The following SPINK13 variants were observed in gnomAD, a reference collection of about 807,000 sequenced individuals.
The protein encoded by SPINK13 is serine peptidase inhibitor Kazal type 13.
A neutral mutation model predicts 11.0 loss-of-function variants in SPINK13; 11 were observed. The observed-to-expected ratio is 1.00, with a 90% CI of 0.63 to 1.65. The LOEUF (loss-of-function observed/expected upper bound fraction) is 1.65, where lower values mean the gene tolerates loss of function less well. Among genes scored for constraint, SPINK13 ranks in the 40% most tolerant of loss-of-function variants. The pLI is 0.00. For missense variants in SPINK13, 113 were observed against 117.7 expected, an observed-to-expected ratio of 0.96 and a Z score of 0.19; for synonymous variants, 31 against 35.6, an observed-to-expected ratio of 0.87 and a Z score of 0.46.
chr5:148,285,396 T>C (rs540421671), intron 4 of SPINK13, among the ~76,000 whole-genome samples: 3 of 151,092 alleles, frequency 2.0e-5, no homozygotes, highest in Middle Eastern at 3.4e-3. Context: ...AAAAAGAAAA[T>C]GGATTGTTCA....
intron 3 of SPINK13, among the ~76,000 whole-genome samples, chr5:148,276,346 T>C (rs1000320367): frequency 3.9e-5 from 6 of 152,218 alleles, no homozygotes; most frequent in African/African-American, 1.4e-4. Flanking sequence ...TTGCTTTTGG[T>C]GTTTTTTAGT....
intron 3 of SPINK13, among the ~76,000 whole-genome samples, chr5:148,277,545 T>G (rs563425193): frequency 8.5e-4 from 129 of 152,350 alleles, no homozygotes; most frequent in African/African-American, 3.1e-3. Context: ...CAAGTGCTTT[T>G]TGTCATGGTT....
At chr5:148,281,757 T>C (rs1756519678) in intron 3 of SPINK13, among the ~76,000 whole-genome samples, 1 of 148,158 alleles carries the variant, frequency 6.7e-6, no homozygotes, top group Admixed American at 6.6e-5. Flanking sequence ...TTTTAATAAG[T>C]TTTAATACAA....
chr5:148,278,322 T>A (rs979568073), intron 3 of SPINK13, among the ~76,000 whole-genome samples: 3 of 152,200 alleles, frequency 2.0e-5, no homozygotes, highest in Admixed American at 6.5e-5. Flanking sequence ...CTTTTGAATG[T>A]GTTTGCTCTT....
chr5:148,271,899 A>G (rs1354827766), intron 2 of SPINK13, among the ~76,000 whole-genome samples: 1 of 152,248 alleles, frequency 6.6e-6, no homozygotes, highest in Non-Finnish European at 1.5e-5. Context: ...CTGGGATTAC[A>G]GGCGTGAGCC....
intron 3 of SPINK13, 92 bp from the exon 4 acceptor site, chr5:148,282,012 A>T: frequency 1.3e-6 from 2 of 1,507,934 alleles, no homozygotes; most frequent in Non-Finnish European, 1.8e-6. Context: ...GGTATGATTT[A>T]ATATTATTTT....
At chr5:148,272,862 C>G (rs893489904) in intron 2 of SPINK13, among the ~76,000 whole-genome samples, 1 of 152,172 alleles carries the variant, frequency 6.6e-6, no homozygotes, top group Non-Finnish European at 1.5e-5. Flanking sequence ...ACATTGAACT[C>G]TAATTTGTAG....
rs538561643 is a variant in SPINK13, at chr5:148,272,290, A to C, written c.71-2057A>C. Among the ~76,000 whole-genome samples the C allele has an allele frequency of 1.1e-3, 170 of 152,328 alleles. 1 individual carries two copies. Among genetic ancestry groups the C allele is most frequent in the African/African-American group, 3.9e-3 (164 of 41,570 alleles). On this transcript the variant is annotated intron_variant, in intron 2 of 4. Transcript: ENST00000398450. ...CTACAATGTGTGTGAATTTTCTATA[A>C]TAGAAGATAATGCCAGATGGTTCTC...
intron 2 of SPINK13, 50 bp downstream of exon 2, chr5:148,270,192 T>A: frequency 6.3e-7 from 1 of 1,581,118 alleles, no homozygotes; most frequent in Non-Finnish European, 8.7e-7. Flanking sequence ...TTCTTAAAGT[T>A]ATAGGAAAGA....
At chr5:148,272,445 G>A (rs113761520) in intron 2 of SPINK13, among the ~76,000 whole-genome samples, 1,791 of 152,204 alleles carry the variant, frequency 0.012, 37 homozygotes, top group African/African-American at 0.04. Context: ...CCTTCCAGAA[G>A]CCCAATTGTT....
chr5:148,282,032 G>T, intron 3 of SPINK13, 72 bp from the exon 4 acceptor site: 1 of 1,580,656 alleles, frequency 6.3e-7, no homozygotes, highest in East Asian at 2.3e-5. Flanking sequence ...TTTAAGTGGG[G>T]CAGAAGTGAC....
intron 3 of SPINK13, among the ~76,000 whole-genome samples, chr5:148,280,571 G>A (rs1756497677): frequency 6.6e-6 from 1 of 152,176 alleles, no homozygotes; most frequent in African/African-American, 2.4e-5. Context: ...GGAGTTTGCT[G>A]GAGGTCCACT....
chr5:148,271,750 G>A lies in SPINK13; in HGVS notation c.70+1608G>A, dbSNP rs571926634. 5.3e-5 allele frequency among the ~76,000 whole-genome samples: 8 copies of A among 152,030 alleles called. No homozygotes were observed. In the South Asian group the frequency reaches 1.7e-3, roughly 32 times the overall value. ...CGCCGTTCTCCTGCCTCAGCCTCCC[G>A]AGTAGCTGGCACTACAGGCGCCCGC... On this transcript the variant is annotated intron_variant, in intron 2 of 4. Coordinates refer to ENST00000398450, the MANE Select transcript of SPINK13 (RefSeq NM_001040129.3).
At chr5:148,280,267 T>G (rs1756493017) in intron 3 of SPINK13, among the ~76,000 whole-genome samples, 3 of 152,096 alleles carry the variant, frequency 2.0e-5, no homozygotes, top group Admixed American at 2.0e-4. Flanking sequence ...ATTACCCACC[T>G]TCTGAAGCCT....
intron 3 of SPINK13, among the ~76,000 whole-genome samples, chr5:148,281,333 A>G (rs1038190067): frequency 2.1e-5 from 3 of 145,192 alleles, no homozygotes; most frequent in African/African-American, 5.5e-5. Context: ...CTGGGGTATG[A>G]AAAAAAAAAC....
chr5:148,277,341 C>T (rs1263720669), intron 3 of SPINK13, among the ~76,000 whole-genome samples: 1 of 152,184 alleles, frequency 6.6e-6, no homozygotes, highest in Admixed American at 6.5e-5. Context: ...GAGAGGACAT[C>T]CTTGCCTTGT....
intron 2 of SPINK13, among the ~76,000 whole-genome samples, chr5:148,272,607 T>C (rs1396885662): frequency 6.6e-6 from 1 of 152,188 alleles, no homozygotes; most frequent in Admixed American, 6.5e-5. Context: ...TATTTGTTTA[T>C]CTTTATGCCA....
At chr5:148,274,892 T>A (rs1756402534) in intron 3 of SPINK13, among the ~76,000 whole-genome samples, 1 of 152,132 alleles carries the variant, frequency 6.6e-6, no homozygotes, top group African/African-American at 2.4e-5. Flanking sequence ...ATCTTTATAG[T>A]CAAATAAGAT....
At chr5:148,284,721 T>G (rs1026001246) in intron 4 of SPINK13, among the ~76,000 whole-genome samples, 3 of 152,180 alleles carry the variant, frequency 2.0e-5, no homozygotes, top group African/African-American at 7.2e-5. Flanking sequence ...GAAAAAGCCC[T>G]GGCAAATTGG....
Sources: allele counts gnomAD v4.1 joint callset (sites outside exome capture counted in the v4.1 genomes callset), GRCh38; gene constraint gnomAD v4.1.1; transcripts MANE v1.5; gene names NCBI Gene and HGNC (gene_info 2026-07-23, HGNC 2026-07-21).